DEUP1: variants seen among roughly 807,000 people sequenced by gnomAD.
The protein encoded by DEUP1 is coiled-coil domain containing 67.
In DEUP1, 82 loss-of-function variants were observed where a neutral mutation model predicts 87.4. The observed-to-expected ratio is 0.94, with a 90% CI of 0.78 to 1.13. The LOEUF (loss-of-function observed/expected upper bound fraction) is 1.13. Ranked by LOEUF, DEUP1 falls within the 50% of genes most tolerant of loss-of-function variation. The probability of loss-of-function intolerance (pLI) is 0.00; values close to 1 mark genes in which losing one functional copy is unlikely to be tolerated. For synonymous variants in DEUP1, 214 were observed against 222.7 expected, an observed-to-expected ratio of 0.96 and a Z score of 0.35; for missense variants, 663 against 681.5, an observed-to-expected ratio of 0.97 and a Z score of 0.30.
chr11:93,366,293 C>A (rs1432224825), intron 5 of DEUP1, among the ~76,000 whole-genome samples: 4 of 152,054 alleles, frequency 2.6e-5, no homozygotes, highest in Non-Finnish European at 5.9e-5. Context: ...AAGTTAAAAC[C>A]GTTTTACAGG....
chr11:93,346,822 G>T (rs1944372911), intron 2 of DEUP1, among the ~76,000 whole-genome samples: 1 of 152,120 alleles, frequency 6.6e-6, no homozygotes, highest in Non-Finnish European at 1.5e-5. Flanking sequence ...ATGGGATTGT[G>T]TTCCTGATTT....
At chr11:93,398,494 A>T (rs1043641084) in intron 11 of DEUP1, among the ~76,000 whole-genome samples, 1 of 152,080 alleles carries the variant, frequency 6.6e-6, no homozygotes, top group Non-Finnish European at 1.5e-5. Flanking sequence ...CCATCTTTGT[A>T]TGAGTACCTT....
chr11:93,402,260 A>G (rs1947142021), intron 11 of DEUP1, among the ~76,000 whole-genome samples: 1 of 152,074 alleles, frequency 6.6e-6, no homozygotes. Context: ...AAAAAAATTC[A>G]GTATCACTAA....
intron 13 of DEUP1, 37 bp downstream of exon 13, chr11:93,415,151 G>A: frequency 2.4e-6 from 3 of 1,248,420 alleles, no homozygotes; most frequent in East Asian, 2.3e-5. Flanking sequence ...TTTCTTTAAT[G>A]GGTTATTGCT....
intron 13 of DEUP1, among the ~76,000 whole-genome samples, chr11:93,437,131 A>C (rs1183475864): frequency 2.0e-5 from 3 of 152,212 alleles, no homozygotes; most frequent in African/African-American, 7.2e-5. Flanking sequence ...TGTCAAAGCC[A>C]ATCCTTATTT....
intron 9 of DEUP1, among the ~76,000 whole-genome samples, chr11:93,394,219 G>A (rs542227659): frequency 6.6e-6 from 1 of 152,100 alleles, no homozygotes; most frequent in Non-Finnish European, 1.5e-5. Flanking sequence ...TCAGTCATAG[G>A]TGATGATTTG....
chr11:93,406,950 C>G (rs1313655891), intron 11 of DEUP1, among the ~76,000 whole-genome samples: 2 of 151,916 alleles, frequency 1.3e-5, no homozygotes, highest in Admixed American at 6.6e-5. Flanking sequence ...TTTTATCTAT[C>G]AAGTTGGCAA....
In DEUP1 at chr11:93,359,085, A is replaced by G. The variant is rs143357385; in HGVS notation, c.297+2042A>G. ...GAAGGAGGAAAGTAGGGGAAAAGAG[A>G]GAAAAAGAAAAGTACTATGTACTTG... On this transcript the variant is annotated intron_variant, in intron 4 of 13. Transcript: ENST00000298050. Among the ~76,000 whole-genome samples, 9 of 152,354 alleles carry G rather than the reference A, an allele frequency of 5.9e-5. No individual in the cohort carries two copies. In the East Asian group the frequency reaches 1.7e-3, roughly 29 times the overall value.
intron 12 of DEUP1, among the ~76,000 whole-genome samples, chr11:93,411,478 T>A (rs748056734): frequency 2.0e-4 from 30 of 152,094 alleles, no homozygotes; most frequent in Non-Finnish European, 3.8e-4. Context: ...GGTTTTGTTG[T>A]TTTTAATGCT....
chr11:93,338,858 G>A (rs966679868), intron 2 of DEUP1, among the ~76,000 whole-genome samples: 5 of 152,192 alleles, frequency 3.3e-5, no homozygotes, highest in African/African-American at 1.2e-4. Context: ...ATAGAAATGA[G>A]GTTGTATAAA....
At chr11:93,376,718 A>G (rs557368076) in intron 7 of DEUP1, among the ~76,000 whole-genome samples, 3 of 152,146 alleles carry the variant, frequency 2.0e-5, no homozygotes, top group South Asian at 2.1e-4. Context: ...TAGGTTTGCT[A>G]TTTGAGTTCT....
chr11:93,429,961 C>T (rs892254667), intron 13 of DEUP1, among the ~76,000 whole-genome samples: 2 of 152,102 alleles, frequency 1.3e-5, no homozygotes, highest in Non-Finnish European at 2.9e-5. Flanking sequence ...CTAGTGGTTT[C>T]CATCTTCTAA....
At chr11:93,430,581 T>A (rs1591277619) in intron 13 of DEUP1, among the ~76,000 whole-genome samples, 1 of 152,070 alleles carries the variant, frequency 6.6e-6, no homozygotes, top group African/African-American at 2.4e-5. Context: ...CCAGGGGCAG[T>A]GGGGAGGGAG....
Position 93,332,989 on chromosome 11 carries a change from T to A in DEUP1, c.29+701T>A, listed in dbSNP as rs11020271. Among the ~76,000 whole-genome samples the A allele has an allele frequency of 3.9e-4, 60 of 152,228 alleles. 1 individual carries two copies. Among genetic ancestry groups the A allele is most frequent in the African/African-American group, 1.3e-3 (56 of 41,510 alleles). On this transcript the variant is annotated intron_variant, in intron 2 of 13. Transcript: ENST00000298050. ...CTGACTTTGGCGCTAGTCACACCAC[T>A]TCAGGTGTCTCACTTTCAGAAATTC...
intron 3 of DEUP1, 86 bp downstream of exon 3, chr11:93,355,628 CT>C (rs1944859228): frequency 8.2e-7 from 1 of 1,218,722 alleles, no homozygotes; most frequent in Non-Finnish European, 1.1e-6. Flanking sequence ...ATTATACATA[CT>C]TTTTATCAGG....
At chr11:93,356,142 C>T (rs1421256685) in intron 3 of DEUP1, among the ~76,000 whole-genome samples, 1 of 152,148 alleles carries the variant, frequency 6.6e-6, no homozygotes, top group East Asian at 1.9e-4. Context: ...TTGATGTGGA[C>T]TTTGTGTCTG....
intron 8 of DEUP1, among the ~76,000 whole-genome samples, chr11:93,386,267 T>C (rs367694591): frequency 1.3e-5 from 2 of 152,110 alleles, no homozygotes; most frequent in Non-Finnish European, 2.9e-5. Flanking sequence ...GATTTTTTTT[T>C]CTCTTTTAAA....
chr11:93,414,832 G>A (rs961812312), intron 12 of DEUP1, among the ~76,000 whole-genome samples, 168 bp from the exon 13 acceptor site: 1 of 152,164 alleles, frequency 6.6e-6, no homozygotes, highest in African/African-American at 2.4e-5. Context: ...AAATGAAATA[G>A]AAATTATTCA....
intron 13 of DEUP1, among the ~76,000 whole-genome samples, chr11:93,435,887 T>C (rs1948231777): frequency 6.6e-6 from 1 of 151,564 alleles, no homozygotes; most frequent in Non-Finnish European, 1.5e-5. Flanking sequence ...TCCCAGCTAC[T>C]CGGGAGGCTG....
Sources: allele counts gnomAD v4.1 joint callset (sites outside exome capture counted in the v4.1 genomes callset), GRCh38; gene constraint gnomAD v4.1.1; transcripts MANE v1.5; gene names NCBI Gene and HGNC (gene_info 2026-07-23, HGNC 2026-07-21).